The following SEC24D variants were observed in gnomAD, a reference collection of about 807,000 sequenced individuals.
SEC24D encodes SEC24 homolog D, COPII component.
Under a neutral mutation model 116.9 loss-of-function variants are expected in SEC24D, and 69 were observed. That is an observed-to-expected ratio of 0.59 (90% confidence interval 0.49 to 0.72). SEC24D has a LOEUF of 0.72. Ranked by LOEUF, SEC24D falls within the 30% of genes least tolerant of loss-of-function variation. The pLI is 0.00. For missense variants in SEC24D, 1,131 were observed against 1,264.1 expected (o/e 0.89, Z 1.60); for synonymous variants, 405 against 442.8 (o/e 0.91, Z 1.07).
At chr4:118,827,016 GA>G (rs1340288297) in intron 2 of SEC24D, among the ~76,000 whole-genome samples, 1 of 152,214 alleles carries the variant, frequency 6.6e-6, no homozygotes, top group Non-Finnish European at 1.5e-5. Context: ...AGAGTTCAAA[GA>G]AGGAGGACTG....
intron 7 of SEC24D, among the ~76,000 whole-genome samples, chr4:118,802,663 T>C (rs1181917424): frequency 2.0e-5 from 3 of 152,194 alleles, no homozygotes; most frequent in Admixed American, 2.0e-4. Flanking sequence ...GCCACCTTAC[T>C]AGTCCTGCCT....
chr4:118,750,721 G>A (rs1364626504), intron 13 of SEC24D, among the ~76,000 whole-genome samples: 1 of 152,062 alleles, frequency 6.6e-6, no homozygotes, highest in African/African-American at 2.4e-5. Context: ...TAGTAACGTG[G>A]AATAAAACAA....
In SEC24D at chr4:118,752,846, G is replaced by A. The variant is rs1400876057; in HGVS notation, c.1464C>T (p.Ile488=). ...EETSAIRVGF[I]TYNKVLHFFN... The stretch of plus-strand genomic sequence containing the variant: ...AGAAATGGAGAACTTTGTTATATGT[G>A]ATAAAACCCACTCGAATTGCAGACG... The change falls in exon 12 of 23, where the codon ATC becomes ATT. Residue 488 remains isoleucine, a synonymous_variant. Coordinates refer to ENST00000280551, the MANE Select transcript of SEC24D (RefSeq NM_014822.4). 1 of 1,598,132 alleles carries A rather than the reference G, an allele frequency of 6.3e-7. No individual in the cohort carries two copies. Among genetic ancestry groups the A allele is most frequent in the Admixed American group, 1.8e-5 (1 of 56,596 alleles).
intron 7 of SEC24D, among the ~76,000 whole-genome samples, chr4:118,803,797 A>G (rs1729553184): frequency 1.3e-5 from 2 of 152,212 alleles, no homozygotes; most frequent in Admixed American, 1.3e-4. Context: ...CTGTAATATG[A>G]GAATGATATT....
At chr4:118,832,448 G>A (rs1417307655) in intron 2 of SEC24D, among the ~76,000 whole-genome samples, 2 of 152,148 alleles carry the variant, frequency 1.3e-5, no homozygotes. Flanking sequence ...GCCATGGAGG[G>A]AAGGAGAGGT....
intron 5 of SEC24D, 67 bp from the exon 6 acceptor site, chr4:118,815,222 A>T: frequency 1.9e-6 from 3 of 1,572,230 alleles, no homozygotes; most frequent in Non-Finnish European, 2.6e-6. Flanking sequence ...CTTGTTGACG[A>T]TATTATGCTG....
At chr4:118,793,233 C>A (rs532028871) in intron 8 of SEC24D, among the ~76,000 whole-genome samples, 2 of 151,604 alleles carry the variant, frequency 1.3e-5, no homozygotes, top group Non-Finnish European at 2.9e-5. Context: ...TTTGGGAGGC[C>A]GAGGCGGGCG....
At chr4:118,808,409 CA>C (rs1261213432) in intron 6 of SEC24D, among the ~76,000 whole-genome samples, 1 of 151,986 alleles carries the variant, frequency 6.6e-6, no homozygotes, top group Non-Finnish European at 1.5e-5. Flanking sequence ...ACTGAATTTC[CA>C]AAAAGTTTAT....
rs1271599366 is a variant in SEC24D at position 118,740,774 on chromosome 4, C to G, written c.2127G>C (p.Leu709Phe). The change falls in exon 17 of 23, where the codon TTG (leucine) becomes TTC (phenylalanine). Residue 709 changes from leucine to phenylalanine, a missense_variant. Transcript: ENST00000280551. ...FRATDFFGGILMNNTTDVEMA... is the reference protein window; with the variant it reads ...FRATDFFGGIFMNNTTDVEMA... Reference sequence around the variant, plus strand: ...TTTCTACATCGGTGGTGTTGTTCATCAAGATTCCACCAAAGAAATCAGTGG... The same window carrying G: ...TTTCTACATCGGTGGTGTTGTTCATGAAGATTCCACCAAAGAAATCAGTGG... The G allele has an allele frequency of 1.9e-6, 3 of 1,613,894 alleles. No homozygotes were observed. The highest frequency in any genetic ancestry group is 1.7e-5 in the Admixed American group (1 of 60,002).
At chr4:118,799,745 G>A (rs1729342409) in intron 7 of SEC24D, among the ~76,000 whole-genome samples, 2 of 152,086 alleles carry the variant, frequency 1.3e-5, no homozygotes, top group Admixed American at 1.3e-4. Flanking sequence ...TGGTGCTGCT[G>A]GAGATCCTAA....
chr4:118,750,611 T>C (rs952992765), intron 13 of SEC24D, among the ~76,000 whole-genome samples: 11 of 152,192 alleles, frequency 7.2e-5, no homozygotes, highest in African/African-American at 2.7e-4. Context: ...GTATGACTTA[T>C]TGTGTACAGG....
At chr4:118,822,051 T>C (rs1039278076) in intron 3 of SEC24D, among the ~76,000 whole-genome samples, 1 of 152,166 alleles carries the variant, frequency 6.6e-6, no homozygotes, top group African/African-American at 2.4e-5. Flanking sequence ...CATGAGTAAC[T>C]AGATTGAGCT....
chr4:118,797,728 T>C lies in SEC24D; in HGVS notation c.996A>G (p.Pro332=), dbSNP rs781241804. The C allele has an allele frequency of 6.2e-7, 1 of 1,611,154 alleles. No individual in the cohort carries two copies. The highest frequency in any genetic ancestry group is 8.5e-7 in the Non-Finnish European group (1 of 1,177,874). ...TSDMAKQAQI[P]LAAVIKPFAT... The stretch of plus-strand genomic sequence containing the variant: ...CAAAGGGCTTGATGACAGCAGCTAA[T>C]GGAATCTGAGCTTGCTTAGCCATAT... The change falls in exon 8 of 23, where the codon CCA becomes CCG. Residue 332 remains proline, a synonymous_variant. Coordinates refer to ENST00000280551, the MANE Select transcript of SEC24D (RefSeq NM_014822.4).
In SEC24D at chr4:118,805,877, G is replaced by T; in HGVS notation, c.879C>A (p.Pro293=). 6.3e-7 allele frequency: 1 copy of T among 1,588,084 alleles called. No homozygotes were observed. The highest frequency in any genetic ancestry group is 8.6e-7 in the Non-Finnish European group (1 of 1,169,060). The change falls in exon 7 of 23, where the codon CCC becomes CCA. Residue 293 remains proline, a synonymous_variant. Transcript: ENST00000280551. ...YATNTRGQIP[P]LVTTDCMIQD... is the part of the protein sequence containing the mutation. ...GTATCATGCAATCTGTAGTGACCAG[G>T]GGAGGGATCTGGCCTCTGGTGTTGG...
At chr4:118,764,725 C>T in intron 10 of SEC24D, 77 bp downstream of exon 10, 2 of 823,910 alleles carry the variant, frequency 2.4e-6, no homozygotes, top group Non-Finnish European at 4.0e-6. Flanking sequence ...AATCAAGAGT[C>T]AGTTCTTTAC....
chr4:118,767,752 T>A (rs1391381351), intron 9 of SEC24D, among the ~76,000 whole-genome samples: 1 of 152,206 alleles, frequency 6.6e-6, no homozygotes, highest in East Asian at 1.9e-4. Context: ...GTTAAAGCCC[T>A]TGGTTATACC....
chr4:118,829,485 CTGAG>C (rs1444546285), intron 2 of SEC24D, among the ~76,000 whole-genome samples: 2 of 152,052 alleles, frequency 1.3e-5, no homozygotes, highest in Non-Finnish European at 2.9e-5. Context: ...GCAATCCAGC[CTGAG>C]TAACAGAGCA....
intron 8 of SEC24D, among the ~76,000 whole-genome samples, 168 bp from the exon 9 acceptor site, chr4:118,768,479 C>G (rs1245239934): frequency 6.6e-6 from 1 of 150,834 alleles, no homozygotes; most frequent in East Asian, 2.0e-4. Flanking sequence ...ACTGCAACCT[C>G]CACCTACAGG....
Position 118,817,400 on chromosome 4 carries a change from A to G in SEC24D, c.261T>C (p.Pro87=). 9 of 1,607,146 alleles carry G rather than the reference A, an allele frequency of 5.6e-6. No homozygotes were observed. The highest frequency in any genetic ancestry group is 1.3e-5 in the African/African-American group (1 of 74,596). The change falls in exon 4 of 23, where the codon CCT becomes CCC. Residue 87 remains proline (P), a synonymous_variant. Transcript: ENST00000280551. ...AGGATGCCACATTGTTGACAGGTGG[A>G]GGGCCTGGAAATCTGAGAGAGGAAA... ...TGHPPQRFPG[P]PPVNNVASSH...
Sources: allele counts gnomAD v4.1 joint callset (sites outside exome capture counted in the v4.1 genomes callset), GRCh38; gene constraint gnomAD v4.1.1; transcripts MANE v1.5; gene names NCBI Gene and HGNC (gene_info 2026-07-23, HGNC 2026-07-21).